The following PLA2R1 variants were observed in gnomAD, a reference collection of about 807,000 sequenced individuals.
The protein encoded by PLA2R1 is secretory phospholipase A2 receptor.
Under a neutral mutation model 195.9 loss-of-function variants are expected in PLA2R1, and 158 were observed. The ratio of observed to expected loss-of-function variants is 0.81; its 90% CI spans 0.71 to 0.92. PLA2R1 has a LOEUF of 0.92. PLA2R1 is among the 40% of genes least tolerant of loss of function. The probability of loss-of-function intolerance (pLI) is 0.00; values close to 1 mark genes in which losing one functional copy is unlikely to be tolerated. For missense variants in PLA2R1, 1,626 were observed against 1,764.6 expected, an observed-to-expected ratio of 0.92 and a Z score of 1.41; for synonymous variants, 586 against 598.2, an observed-to-expected ratio of 0.98 and a Z score of 0.30.
At chr2:159,961,505 T>C (rs1483802376) in intron 20 of PLA2R1, among the ~76,000 whole-genome samples, 1 of 152,224 alleles carries the variant, frequency 6.6e-6, no homozygotes, top group Admixed American at 6.5e-5. Context: ...TCTAAATATT[T>C]GACCAGGGCT....
chr2:159,952,437 A>C (rs936809460), intron 23 of PLA2R1, among the ~76,000 whole-genome samples: 2 of 152,208 alleles, frequency 1.3e-5, no homozygotes, highest in East Asian at 1.9e-4. Flanking sequence ...ACTAGGATAG[A>C]CTAAAGGTTT....
rs1574695942 is a variant in PLA2R1, at chr2:159,969,297, TTCACAGTTCTTTCTCTTCCTG to T, written c.2702_2722del (p.Thr901_Val907del). ...AAAGCCACATCTCTGGCTCTGATTATTCACAGTTCTTTCTCTTCCTGTGTCCCAGTTCTGGTATATCACTGG... is the reference window on the plus strand; with the variant it reads ...AAAGCCACATCTCTGGCTCTGATTATTGTCCCAGTTCTGGTATATCACTGG... On this transcript the variant is annotated inframe_deletion, in exon 19 of 30. Transcript: ENST00000283243. The T allele has an allele frequency of 3.7e-6, 6 of 1,608,238 alleles. No homozygotes were observed. The East Asian group carries it at 1.3e-4, about 36-fold the overall frequency.
chr2:160,007,470 T>C (rs2667007), intron 10 of PLA2R1, among the ~76,000 whole-genome samples: 114,522 of 151,604 alleles, frequency 0.76, 43,579 homozygotes, highest in East Asian at 0.88. Context: ...AGGCCTTAGC[T>C]GGAAGACAGA....
intron 1 of PLA2R1, among the ~76,000 whole-genome samples, chr2:160,045,405 T>C (rs1488135248): frequency 1.3e-5 from 2 of 152,148 alleles, no homozygotes; most frequent in African/African-American, 2.4e-5. Context: ...ATTGGCCATA[T>C]GGGAACAAGG....
At chr2:159,931,595 C>T (rs1257974717), downstream of PLA2R1, among the ~76,000 whole-genome samples, 1 of 152,086 alleles carries the variant, frequency 6.6e-6, no homozygotes, top group Non-Finnish European at 1.5e-5. Context: ...ACTCTGTTGC[C>T]CAGGCTGGAG....
downstream of PLA2R1, chr2:159,931,905 T>A (rs748377808): frequency 6.6e-6 from 1 of 152,246 alleles, no homozygotes; most frequent in African/African-American, 2.4e-5. Context: ...TTTAAACTAA[T>A]GTTAAAACAA....
intron 1 of PLA2R1, among the ~76,000 whole-genome samples, chr2:160,061,708 G>A (rs2105735046): frequency 6.6e-6 from 1 of 152,310 alleles, no homozygotes; most frequent in Middle Eastern, 3.4e-3. Context: ...CCGGGAGGCG[G>A]AGGCTGCAGT....
chr2:159,975,893 C>A (rs1452490705), intron 17 of PLA2R1, among the ~76,000 whole-genome samples, 175 bp downstream of exon 17: 1 of 152,050 alleles, frequency 6.6e-6, no homozygotes, highest in Non-Finnish European at 1.5e-5. Flanking sequence ...TTCTCTTAAT[C>A]TCTATAATAG....
chr2:159,982,443 T>C (rs1326922456), intron 13 of PLA2R1, among the ~76,000 whole-genome samples: 1 of 152,224 alleles, frequency 6.6e-6, no homozygotes, highest in Non-Finnish European at 1.5e-5. Context: ...CTAGCAGTTC[T>C]GTGGGATGTC....
At position 159,944,936 on chromosome 2, in the gene PLA2R1, T is replaced by C. The variant is rs763521031; in HGVS notation, c.4114A>G (p.Lys1372Glu). ...GLWQLSPCQEKKGFICKMEAD... is the reference protein window; with the variant it reads ...GLWQLSPCQEEKGFICKMEAD... ...TCCATTTTACATATAAAGCCTTTTT[T>C]TTCTTGACACGGGGATAGCTGCCAT... is the stretch of plus-strand genomic sequence containing the variant. Residue 1372 changes from lysine (K) to glutamate (E), a missense_variant, in exon 28 of 30, where the codon AAA becomes GAA. Coordinates refer to ENST00000283243, the MANE Select transcript of PLA2R1 (RefSeq NM_007366.5). The C allele has an allele frequency of 1.9e-6, 3 of 1,613,354 alleles. No homozygotes were observed. The highest frequency in any genetic ancestry group is 2.5e-6 in the Non-Finnish European group (3 of 1,179,466).
At chr2:160,027,211 C>T (rs899156247) in intron 6 of PLA2R1, among the ~76,000 whole-genome samples, 3 of 152,072 alleles carry the variant, frequency 2.0e-5, no homozygotes, top group African/African-American at 7.2e-5. Context: ...TTCTGGTCTT[C>T]TGACCTCAAT....
chr2:160,043,007 C>T (rs755239820), intron 2 of PLA2R1, among the ~76,000 whole-genome samples: 1 of 151,776 alleles, frequency 6.6e-6, no homozygotes, highest in Admixed American at 6.6e-5. Context: ...AAGAGGTGAT[C>T]CAGCAGAAGG....
At chr2:159,950,686 A>G (rs1302435499) in intron 24 of PLA2R1, among the ~76,000 whole-genome samples, 1 of 152,210 alleles carries the variant, frequency 6.6e-6, no homozygotes, top group Non-Finnish European at 1.5e-5. Flanking sequence ...TTGAAAAACA[A>G]TGTACATATT....
intron 4 of PLA2R1, among the ~76,000 whole-genome samples, chr2:160,032,649 A>G (rs1693928192): frequency 6.6e-6 from 1 of 152,210 alleles, no homozygotes; most frequent in Non-Finnish European, 1.5e-5. Flanking sequence ...TCTCCAGAAG[A>G]GCAAGCAAAT....
At chr2:159,969,184 A>C in intron 19 of PLA2R1, 72 bp downstream of exon 19, 1 of 734,276 alleles carries the variant, frequency 1.4e-6, no homozygotes, top group Non-Finnish European at 2.4e-6. Flanking sequence ...AAATGATGCA[A>C]GGAAAAGACT....
At chr2:159,975,566 A>ACC (rs951767123) in intron 17 of PLA2R1, among the ~76,000 whole-genome samples, 4 of 150,808 alleles carry the variant, frequency 2.7e-5, no homozygotes, top group African/African-American at 9.8e-5. Flanking sequence ...ACTGCCAGGC[A>ACC]CCCCCCCAGG....
At position 159,976,130 on chromosome 2, in the gene PLA2R1, TGTGCAGCCA is replaced by T; in HGVS notation, c.2524_2532del (p.Trp842_His844del). 1 of 1,613,078 alleles carries T rather than the reference TGTGCAGCCA, an allele frequency of 6.2e-7. No homozygotes were observed. The highest frequency in any genetic ancestry group is 2.2e-5 in the East Asian group (1 of 44,836). On this transcript the variant is annotated inframe_deletion, in exon 17 of 30. Coordinates refer to ENST00000283243, the MANE Select transcript of PLA2R1 (RefSeq NM_007366.5). The stretch of plus-strand genomic sequence containing the variant: ...GCAGAATGAATTGTGAGAAGATCAC[TGTGCAGCCA>T]GCTACAGACAAACTCAAAGTTCAAC...
At chr2:159,998,628 T>C (rs1188204664) in intron 11 of PLA2R1, among the ~76,000 whole-genome samples, 1 of 152,194 alleles carries the variant, frequency 6.6e-6, no homozygotes, top group Non-Finnish European at 1.5e-5. Context: ...AATATTAAGC[T>C]GTAGTTTCAA....
chr2:159,954,528 A>G (rs940693462), intron 23 of PLA2R1, among the ~76,000 whole-genome samples: 9 of 151,778 alleles, frequency 5.9e-5, no homozygotes, highest in Non-Finnish European at 1.0e-4. Flanking sequence ...ATATATATAT[A>G]TATAAATATA....
Sources: allele counts gnomAD v4.1 joint callset (sites outside exome capture counted in the v4.1 genomes callset), GRCh38; gene constraint gnomAD v4.1.1; transcripts MANE v1.5; gene names NCBI Gene and HGNC (gene_info 2026-07-23, HGNC 2026-07-21).